The following DNAJC6 variants were observed in gnomAD, a reference collection of about 807,000 sequenced individuals.
DNAJC6 encodes the protein DnaJ heat shock protein family (Hsp40) member C6, also known as auxilin.
Under a neutral mutation model 110.0 loss-of-function variants are expected in DNAJC6, and 34 were observed. That is an observed-to-expected ratio of 0.31 (90% CI 0.24 to 0.41). The LOEUF (loss-of-function observed/expected upper bound fraction) is 0.41, where lower values mean the gene tolerates loss of function less well. Among genes scored for constraint, DNAJC6 ranks in the 10% least tolerant of loss-of-function variants. DNAJC6 has a pLI of 1.00. For synonymous variants in DNAJC6, 406 were observed against 437.2 expected (o/e 0.93, Z 0.89); for missense variants, 1,031 against 1,207.8 (o/e 0.85, Z 2.17).
chr1:65,392,501 A>G lies in DNAJC6; in HGVS notation c.1539A>G (p.Ser513=). The part of the protein sequence containing the change: ...AALVNQESEQ[S]DDELLTLSSP... The stretch of plus-strand genomic sequence containing the variant: ...TAGTGAATCAGGAAAGTGAGCAATC[A>G]GATGATGAACTTCTGACACTTTCCA... The change falls in exon 12 of 19, where the codon TCA becomes TCG. Residue 513 remains serine (S), a synonymous_variant. Coordinates refer to ENST00000371069, the MANE Select transcript of DNAJC6 (RefSeq NM_001256864.2). 1 of 1,613,960 alleles carries G rather than the reference A, an allele frequency of 6.2e-7. No individual in the cohort carries two copies. The highest frequency in any genetic ancestry group is 8.5e-7 in the Non-Finnish European group (1 of 1,179,920).
At chr1:65,323,705 C>T (rs528194098) in intron 1 of DNAJC6, among the ~76,000 whole-genome samples, 3 of 152,172 alleles carry the variant, frequency 2.0e-5, no homozygotes, top group African/African-American at 7.2e-5. Context: ...AAGCAGTCTT[C>T]CCACCTCAGC....
chr1:65,294,025 G>T (rs1362236337), intron 1 of DNAJC6, among the ~76,000 whole-genome samples: 1 of 152,150 alleles, frequency 6.6e-6, no homozygotes, highest in African/African-American at 2.4e-5. Context: ...TTGTTAATTT[G>T]CAGGGTTAAT....
chr1:65,306,960 C>T (rs950202867), upstream of DNAJC6, among the ~76,000 whole-genome samples: 1 of 148,200 alleles, frequency 6.7e-6, no homozygotes, highest in African/African-American at 2.5e-5. Flanking sequence ...ACTACTCTCT[C>T]TCTCAATCTG....
chr1:65,298,946 C>A (rs1020513781), intron 1 of DNAJC6: 1 of 152,162 alleles, frequency 6.6e-6, no homozygotes, highest in Non-Finnish European at 1.5e-5. Flanking sequence ...GCCACACATC[C>A]CAGGTTACAC....
chr1:65,269,396 A>G (rs894939608), intron 1 of DNAJC6, among the ~76,000 whole-genome samples: 6 of 152,108 alleles, frequency 3.9e-5, no homozygotes, highest in African/African-American at 1.4e-4. Flanking sequence ...TGTCTATGCC[A>G]ATGGTTCCTG....
chr1:65,402,433 G>A (rs1646039085), intron 15 of DNAJC6, among the ~76,000 whole-genome samples: 1 of 152,224 alleles, frequency 6.6e-6, no homozygotes, highest in Non-Finnish European at 1.5e-5. Flanking sequence ...TGTTCTGAGA[G>A]CAGGTGAGAT....
Position 65,414,031 on chromosome 1 carries a change from G to A in DNAJC6, c.*1006G>A, listed in dbSNP as rs1646150786. ...AGGCAACACTGAATAGGAGTTAAGG[G>A]AATGGCACGATCACAGTGAGAGAGC... On this transcript the variant is annotated 3_prime_UTR_variant, in exon 19 of 19. Coordinates refer to ENST00000371069, the MANE Select transcript of DNAJC6 (RefSeq NM_001256864.2). The A allele has an allele frequency of 6.6e-6, 1 of 152,196 alleles. No individual in the cohort carries two copies. Among genetic ancestry groups the A allele is most frequent in the Admixed American group, 6.5e-5 (1 of 15,272 alleles). 9.4% of individuals were successfully genotyped at this position (152,196 alleles called of 1,614,324 possible). A position where few individuals can be genotyped will look rare whatever the true frequency, so the allele number is the denominator to read the frequency against.
intron 1 of DNAJC6, among the ~76,000 whole-genome samples, chr1:65,335,140 A>C (rs1645323329): frequency 6.8e-6 from 1 of 147,480 alleles, no homozygotes. Context: ...ACAGAGTCTC[A>C]CTCTGTCGCC....
At chr1:65,333,046 C>T (rs1359643356) in intron 1 of DNAJC6, among the ~76,000 whole-genome samples, 1 of 152,164 alleles carries the variant, frequency 6.6e-6, no homozygotes, top group African/African-American at 2.4e-5. Flanking sequence ...ACAATCCATC[C>T]ATCACTAGCA....
chr1:65,386,672 C>T lies in DNAJC6; in HGVS notation c.996-140C>T, dbSNP rs552885510. The T allele has an allele frequency of 6.1e-4, 422 of 693,088 alleles. 2 individuals carry two copies. Among genetic ancestry groups the T allele is most frequent in the Admixed American group, 1.7e-3 (62 of 37,134 alleles). 42.9% of individuals were successfully genotyped at this position (693,088 alleles called of 1,614,324 possible). A position where few individuals can be genotyped will look rare whatever the true frequency, so the allele number is the denominator to read the frequency against. ...GGCACTGGCTGCACTCCTGTTTTTG[C>T]TCAAGATAGGAAATAGTTTCTGGGT... On this transcript the variant is annotated intron_variant, in intron 7 of 18. Transcript: ENST00000371069.
At chr1:65,393,743 A>C (rs1297602316) in intron 12 of DNAJC6, among the ~76,000 whole-genome samples, 3 of 152,226 alleles carry the variant, frequency 2.0e-5, no homozygotes, top group African/African-American at 7.2e-5. Context: ...CCATTAACCA[A>C]GATGACTTCA....
chr1:65,365,841 A>G (rs776152656), intron 2 of DNAJC6, 44 bp from the exon 3 acceptor site: 1 of 1,600,654 alleles, frequency 6.2e-7, no homozygotes, highest in Non-Finnish European at 8.5e-7. Flanking sequence ...ATCTTGGCAT[A>G]TTTGGATCAT....
At chr1:65,293,146 A>G (rs1644895606) in intron 1 of DNAJC6, among the ~76,000 whole-genome samples, 1 of 152,238 alleles carries the variant, frequency 6.6e-6, no homozygotes, top group Admixed American at 6.5e-5. Context: ...GATAGCATAA[A>G]CAACACACAC....
At chr1:65,333,126 G>C (rs1033637046) in intron 1 of DNAJC6, among the ~76,000 whole-genome samples, 1 of 152,048 alleles carries the variant, frequency 6.6e-6, no homozygotes, top group Non-Finnish European at 1.5e-5. Context: ...CTCATATTAA[G>C]AATTTTAACA....
chr1:65,291,681 T>G (rs980262865), intron 1 of DNAJC6, among the ~76,000 whole-genome samples: 1 of 152,222 alleles, frequency 6.6e-6, no homozygotes, highest in African/African-American at 2.4e-5. Context: ...GTATGAGATG[T>G]ACTGAGTGCT....
At chr1:65,314,844 T>C (rs781481442) in intron 1 of DNAJC6, among the ~76,000 whole-genome samples, 1 of 152,240 alleles carries the variant, frequency 6.6e-6, no homozygotes, top group Non-Finnish European at 1.5e-5. Flanking sequence ...GGATAATCGT[T>C]TAAAGATGCA....
At chr1:65,292,770 G>T (rs1644891722) in intron 1 of DNAJC6, among the ~76,000 whole-genome samples, 1 of 152,018 alleles carries the variant, frequency 6.6e-6, no homozygotes, top group African/African-American at 2.4e-5. Flanking sequence ...ATTTTACACT[G>T]TGTTGAGATA....
chr1:65,287,297 T>C (rs778117469), intron 1 of DNAJC6, among the ~76,000 whole-genome samples: 1 of 152,196 alleles, frequency 6.6e-6, no homozygotes. Context: ...TGTAAAAACA[T>C]TGAGGGGATA....
At chr1:65,318,929 A>G (rs1002450832) in intron 1 of DNAJC6, among the ~76,000 whole-genome samples, 2 of 152,158 alleles carry the variant, frequency 1.3e-5, no homozygotes, top group Non-Finnish European at 2.9e-5. Flanking sequence ...TTTAGGAGGA[A>G]GGGGAGGGGT....
Sources: gnomAD v4.1 joint callset for allele counts (sites outside exome capture counted in the v4.1 genomes callset) on GRCh38, gnomAD v4.1.1 for gene constraint, MANE v1.5 for transcripts, NCBI Gene and HGNC (gene_info 2026-07-23, HGNC 2026-07-21) for gene names.